Variants in ZNF679 observed in about 807,000 individuals in gnomAD.
The protein encoded by ZNF679 is zinc finger protein 679, also known as hypothetical protein MGC42415.
A neutral mutation model predicts 13.4 loss-of-function variants in ZNF679; 10 were observed. The ratio of observed to expected loss-of-function variants is 0.75; its 90% CI spans 0.46 to 1.27. The LOEUF (loss-of-function observed/expected upper bound fraction) is 1.27, where lower values mean the gene tolerates loss of function less well. Among genes scored for constraint, ZNF679 ranks in the 50% most tolerant of loss-of-function variants. ZNF679 has a pLI of 0.00. For missense variants in ZNF679, 525 were observed against 477.8 expected (o/e 1.10, Z -0.92); for synonymous variants, 179 against 162.5 (o/e 1.10, Z -0.77).
At chr7:64,234,693 C>A (rs536168948) in intron 1 of ZNF679, among the ~76,000 whole-genome samples, 1 of 152,232 alleles carries the variant, frequency 6.6e-6, no homozygotes, top group African/African-American at 2.4e-5. Flanking sequence ...ACCATAAGTT[C>A]TACAGGACTA....
chr7:64,231,980 A>G (rs541426143), intron 1 of ZNF679, among the ~76,000 whole-genome samples: 16 of 152,372 alleles, frequency 1.1e-4, no homozygotes, highest in African/African-American at 3.1e-4. Flanking sequence ...CACAATCTCA[A>G]CAGTGGACAG....
chr7:64,231,975 T>G (rs1787645622), intron 1 of ZNF679, among the ~76,000 whole-genome samples: 1 of 152,218 alleles, frequency 6.6e-6, no homozygotes, highest in Non-Finnish European at 1.5e-5. Flanking sequence ...CAATTCACAA[T>G]CTCAACAGTG....
Position 64,265,984 on chromosome 7 carries a change from A to C in ZNF679, c.351A>C (p.Lys117Asn), listed in dbSNP as rs1330982078. 6.2e-7 allele frequency: 1 copy of C among 1,613,726 alleles called. No individual in the cohort carries two copies. Among genetic ancestry groups the C allele is most frequent in the Non-Finnish European group, 8.5e-7 (1 of 1,179,878 alleles). Residue 117 changes from lysine (K) to asparagine (N), a missense_variant, in exon 5 of 5, where the codon AAA (lysine) becomes AAC (asparagine). Coordinates refer to ENST00000421025, the MANE Select transcript of ZNF679 (RefSeq NM_153363.3). ...AAGTAATACCAAGAAGATATGGAAA[A>C]AGTGGACATGACAATTTACAAGTAA... is the stretch of plus-strand genomic sequence containing the variant. Reference protein sequence around the residue: ...LQKVIPRRYGKSGHDNLQVKT... With the variant: ...LQKVIPRRYGNSGHDNLQVKT...
intron 1 of ZNF679, among the ~76,000 whole-genome samples, chr7:64,245,378 G>A (rs1787853452): frequency 6.7e-6 from 1 of 150,094 alleles, no homozygotes; most frequent in Non-Finnish European, 1.5e-5. Flanking sequence ...TGGGGAAGAT[G>A]GTGGCCCAGA....
At chr7:64,261,324 T>C (rs1788074706) in intron 4 of ZNF679, among the ~76,000 whole-genome samples, 1 of 152,198 alleles carries the variant, frequency 6.6e-6, no homozygotes. Flanking sequence ...TTCTGTTTCA[T>C]TGGTGGTTGT....
chr7:64,249,950 T>A (rs994002988), intron 2 of ZNF679, among the ~76,000 whole-genome samples: 9 of 152,164 alleles, frequency 5.9e-5, no homozygotes, highest in African/African-American at 2.2e-4. Flanking sequence ...CAAGCAGTTC[T>A]CACGCCTCAG....
intron 1 of ZNF679, among the ~76,000 whole-genome samples, chr7:64,236,999 GA>G (rs200081635): frequency 2.2e-5 from 1 of 44,578 alleles, no homozygotes; most frequent in South Asian, 5.5e-4. Context: ...AAGAAAGAAA[GA>G]AAAAGAAAGA....
intron 1 of ZNF679, among the ~76,000 whole-genome samples, chr7:64,247,305 C>G (rs1053628333): frequency 1.3e-5 from 2 of 152,166 alleles, no homozygotes; most frequent in East Asian, 1.9e-4. Context: ...GGTCTCAGCC[C>G]CATTTCACCC....
chr7:64,236,977 A>G (rs796347266), intron 1 of ZNF679, among the ~76,000 whole-genome samples: 318 of 22,494 alleles, frequency 0.014, 1 homozygote, highest in Middle Eastern at 0.059. Flanking sequence ...AAGAAAGAAA[A>G]AGAAAGAAAG....
At chr7:64,242,304 C>T (rs1238955715) in intron 1 of ZNF679, among the ~76,000 whole-genome samples, 3 of 152,214 alleles carry the variant, frequency 2.0e-5, no homozygotes, top group Non-Finnish European at 4.4e-5. Flanking sequence ...CACCTGTTTG[C>T]TGGTCCCTGT....
At chr7:64,249,717 A>T (rs182398626) in intron 2 of ZNF679, among the ~76,000 whole-genome samples, 2 of 152,316 alleles carry the variant, frequency 1.3e-5, no homozygotes, top group African/African-American at 4.8e-5. Flanking sequence ...TGCTTTGGTA[A>T]AGTTATGTCG....
At chr7:64,244,854 A>G (rs139130247) in intron 1 of ZNF679, among the ~76,000 whole-genome samples, 56 of 152,348 alleles carry the variant, frequency 3.7e-4, no homozygotes, top group Non-Finnish European at 6.2e-4. Flanking sequence ...TTACTGCTCA[A>G]GATCACTTTT....
At chr7:64,261,974 A>G (rs369346416) in intron 4 of ZNF679, among the ~76,000 whole-genome samples, 3 of 151,256 alleles carry the variant, frequency 2.0e-5, no homozygotes, top group Admixed American at 1.3e-4. Context: ...CTCCTGCCTC[A>G]GCCTCCTGAG....
At position 64,265,201 on chromosome 7, in the gene ZNF679, A is replaced by T. The variant is rs539208813; in HGVS notation, c.263-695A>T. Among the ~76,000 whole-genome samples the T allele has an allele frequency of 5.3e-5, 8 of 152,224 alleles. No homozygotes were observed. In the South Asian group the frequency reaches 1.7e-3, roughly 32 times the overall value. ...CATAAAACTACCTTTCACGATCTTTATAATGCAGCTCTTTCTTGGCATAGC... is the reference window on the plus strand; with the variant it reads ...CATAAAACTACCTTTCACGATCTTTTTAATGCAGCTCTTTCTTGGCATAGC... On this transcript the variant is annotated intron_variant, in intron 4 of 4. Transcript: ENST00000421025.
intron 1 of ZNF679, among the ~76,000 whole-genome samples, chr7:64,238,788 A>G (rs1787758199): frequency 6.6e-6 from 1 of 152,158 alleles, no homozygotes; most frequent in Non-Finnish European, 1.5e-5. Context: ...ATTACATCCT[A>G]CAGAGGACAT....
At chr7:64,255,736 G>C (rs1209810571) in intron 2 of ZNF679, among the ~76,000 whole-genome samples, 1 of 151,966 alleles carries the variant, frequency 6.6e-6, no homozygotes, top group Admixed American at 6.6e-5. Context: ...AGCCTCCTGA[G>C]TAGCTGGAAT....
chr7:64,260,465 C>A, intron 3 of ZNF679, 118 bp downstream of exon 3: 1 of 1,454,086 alleles, frequency 6.9e-7, no homozygotes, highest in Non-Finnish European at 9.2e-7. Context: ...TGAAGAAAAT[C>A]TTGGGGATTC....
chr7:64,230,198 C>T (rs1787617548), intron 1 of ZNF679, among the ~76,000 whole-genome samples: 1 of 152,190 alleles, frequency 6.6e-6, no homozygotes, highest in Non-Finnish European at 1.5e-5. Context: ...GTAACATAAC[C>T]CAGGTGATAT....
chr7:64,244,803 A>G (rs529386502), intron 1 of ZNF679, among the ~76,000 whole-genome samples: 3 of 152,214 alleles, frequency 2.0e-5, no homozygotes, highest in African/African-American at 2.4e-5. Flanking sequence ...GGTCTCCCAG[A>G]AGAAGCCTCC....
Sources: allele counts gnomAD v4.1 joint callset (sites outside exome capture counted in the v4.1 genomes callset), GRCh38; gene constraint gnomAD v4.1.1; transcripts MANE v1.5; gene names NCBI Gene and HGNC (gene_info 2026-07-23, HGNC 2026-07-21).